Variants in TBCK observed in about 807,000 individuals in gnomAD.
TBCK encodes the protein TBC1 domain containing kinase, also known as TBC domain-containing protein kinase-like protein.
TBCK carries 99 observed loss-of-function variants against 113.4 expected under a neutral mutation model. That is an observed-to-expected ratio of 0.87 (90% CI 0.74 to 1.03). TBCK has a LOEUF of 1.03. TBCK is among the 50% of genes least tolerant of loss of function. TBCK has a pLI of 0.00. For synonymous variants in TBCK, 369 were observed against 370.8 expected (o/e 1.00, Z 0.05); for missense variants, 1,045 against 1,061.3 (o/e 0.98, Z 0.21).
chr4:106,187,413 T>A (rs1753148394), intron 22 of TBCK, among the ~76,000 whole-genome samples: 2 of 152,080 alleles, frequency 1.3e-5, no homozygotes, highest in South Asian at 4.2e-4. Flanking sequence ...TATGATTTTT[T>A]TTTTTCCTTT....
intron 19 of TBCK, among the ~76,000 whole-genome samples, chr4:106,224,268 TTAAAA>T (rs1758002302): frequency 6.6e-6 from 1 of 151,986 alleles, no homozygotes; most frequent in African/African-American, 2.4e-5. Flanking sequence ...AGAAAAAACT[TTAAAA>T]TACAAAATAT....
chr4:106,105,639 C>CA (rs985532340), intron 24 of TBCK, among the ~76,000 whole-genome samples: 5 of 152,296 alleles, frequency 3.3e-5, no homozygotes, highest in African/African-American at 1.2e-4. Flanking sequence ...AGCTTCAACA[C>CA]AAAAAATACC....
At chr4:106,110,853 G>C (rs1742765397) in intron 24 of TBCK, among the ~76,000 whole-genome samples, 1 of 152,108 alleles carries the variant, frequency 6.6e-6, no homozygotes, top group Admixed American at 6.5e-5. Context: ...GGTTTTGCCT[G>C]AGGCCCCTCA....
rs1462514092 is a variant in TBCK, at chr4:106,308,923, G to A, written c.38C>T (p.Thr13Ile). 6.2e-7 allele frequency: 1 copy of A among 1,614,088 alleles called. No individual in the cohort carries two copies. Among genetic ancestry groups the A allele is most frequent in the Non-Finnish European group, 8.5e-7 (1 of 1,180,002 alleles). ...PLKDAEMGAF[T>I]FFASALPHDV... ...ATGTGGCAGAGCCGAGGCAAAGAAGGTAAAGGCTCCCATTTCAGCGTCCTT... is the reference window on the plus strand; with the variant it reads ...ATGTGGCAGAGCCGAGGCAAAGAAGATAAAGGCTCCCATTTCAGCGTCCTT... The change falls in exon 2 of 26, where the codon ACC becomes ATC. Residue 13 changes from threonine to isoleucine, a missense_variant. Thr to Ile is a moderately conservative substitution (Grantham distance 89). Transcript: ENST00000394708.
chr4:106,114,225 G>A (rs542547472), intron 24 of TBCK, among the ~76,000 whole-genome samples: 1 of 152,268 alleles, frequency 6.6e-6, no homozygotes, highest in East Asian at 1.9e-4. Flanking sequence ...AAAAATTGTA[G>A]AAAGATGCAA....
rs546143516 is a variant in TBCK, at chr4:106,044,859, C to T, written c.*1711G>A. ...GTAAACAATAGCAGCAACAACAAAA[C>T]CATGGCCCAGAAAGCTGAATTGAGG... is the stretch of plus-strand genomic sequence containing the variant. On this transcript the variant is annotated 3_prime_UTR_variant, in exon 26 of 26. Coordinates refer to ENST00000394708, the MANE Select transcript of TBCK (RefSeq NM_001163435.3). 6.6e-6 allele frequency: 1 copy of T among 152,162 alleles called. No homozygotes were observed. Among genetic ancestry groups the T allele is most frequent in the Non-Finnish European group, 1.5e-5 (1 of 68,026 alleles). 9.4% of individuals were successfully genotyped at this position (152,162 alleles called of 1,614,324 possible).
chr4:106,123,284 A>G (rs1187175827), intron 23 of TBCK, among the ~76,000 whole-genome samples: 1 of 152,242 alleles, frequency 6.6e-6, no homozygotes, highest in African/African-American at 2.4e-5. Context: ...TGCTTCAAAG[A>G]GAATAAAACA....
chr4:106,102,878 A>C (rs899533788), intron 24 of TBCK, among the ~76,000 whole-genome samples: 1 of 152,188 alleles, frequency 6.6e-6, no homozygotes, highest in African/African-American at 2.4e-5. Flanking sequence ...GCAAGAGAGA[A>C]ATAAAACTAT....
At chr4:106,235,773 T>C (rs1288065497) in intron 14 of TBCK, among the ~76,000 whole-genome samples, 1 of 152,018 alleles carries the variant, frequency 6.6e-6, no homozygotes, top group African/African-American at 2.4e-5. Context: ...CTATTATGAG[T>C]ACTTCCGCAT....
At chr4:106,052,048 T>C (rs1340519432) in intron 25 of TBCK, among the ~76,000 whole-genome samples, 1 of 151,898 alleles carries the variant, frequency 6.6e-6, no homozygotes, top group Non-Finnish European at 1.5e-5. Flanking sequence ...CTGAGATAAA[T>C]ATTTTGTGTC....
intron 3 of TBCK, among the ~76,000 whole-genome samples, chr4:106,280,336 C>T (rs980901391): frequency 3.3e-5 from 5 of 151,988 alleles, no homozygotes; most frequent in Admixed American, 6.6e-5. Flanking sequence ...TTATTAGCCC[C>T]TTGTCAGACA....
At chr4:106,070,609 G>C (rs997493778) in intron 25 of TBCK, among the ~76,000 whole-genome samples, 13 of 151,850 alleles carry the variant, frequency 8.6e-5, no homozygotes, top group Admixed American at 8.5e-4. Flanking sequence ...TCTCTTTTTT[G>C]TGTGTGTGTC....
At position 106,064,356 on chromosome 4, in the gene TBCK, T is replaced by C. The variant is rs192766174; in HGVS notation, c.2572-17676A>G. Among the ~76,000 whole-genome samples the C allele has an allele frequency of 5.6e-3, 845 of 152,022 alleles. 10 individuals carry two copies. The highest frequency in any genetic ancestry group is 0.02 in the African/African-American group (816 of 41,512). ...ATAAACTGTCTCTTGTCTAGGTTTCTAGACAAGAATAAAATATTATTCAGA... is the reference window on the plus strand; with the variant it reads ...ATAAACTGTCTCTTGTCTAGGTTTCCAGACAAGAATAAAATATTATTCAGA... On this transcript the variant is annotated intron_variant, in intron 25 of 25. Transcript: ENST00000394708.
intron 23 of TBCK, among the ~76,000 whole-genome samples, chr4:106,145,931 T>TA (rs1204738927): frequency 6.6e-6 from 1 of 152,164 alleles, no homozygotes; most frequent in Non-Finnish European, 1.5e-5. Flanking sequence ...AGGGAACACT[T>TA]ACACACTGTT....
At position 106,173,081 on chromosome 4, in the gene TBCK, T is replaced by A. The variant is rs538684975; in HGVS notation, c.2060-1811A>T. The stretch of plus-strand genomic sequence containing the variant: ...GTTTACCAACTTCACAGCTCATTAC[T>A]TCCATGGCTACAAAAAGAGGTCAGA... On this transcript the variant is annotated intron_variant, in intron 22 of 25. Coordinates refer to ENST00000394708, the MANE Select transcript of TBCK (RefSeq NM_001163435.3). Among the ~76,000 whole-genome samples the A allele has an allele frequency of 2.0e-5, 3 of 152,290 alleles. No homozygotes were observed. The South Asian group carries it at 6.2e-4, about 32-fold the overall frequency.
chr4:106,106,852 T>C (rs1462410343), intron 24 of TBCK, among the ~76,000 whole-genome samples: 15 of 151,972 alleles, frequency 9.9e-5, no homozygotes, highest in African/African-American at 3.6e-4. Context: ...GCAAACAGGA[T>C]AAAAAAGTAA....
rs867475303 is a variant in TBCK, at chr4:106,215,470, A to C, written c.1775-2635T>G. 5.3e-5 allele frequency among the ~76,000 whole-genome samples: 8 copies of C among 152,258 alleles called. 1 individual carries two copies. In the South Asian group the frequency reaches 1.5e-3, roughly 28 times the overall value. On this transcript the variant is annotated intron_variant, in intron 19 of 25. Coordinates refer to ENST00000394708, the MANE Select transcript of TBCK (RefSeq NM_001163435.3). ...ATCAGTGTGCTGTATTCAGGATACC[A>C]ATCTCACGTGCAGAGACACACATAG...
Position 106,308,839 on chromosome 4 carries a change from C to A in TBCK, c.122G>T (p.Arg41Leu), listed in dbSNP as rs371985941. The change falls in exon 2 of 26, where the codon CGC becomes CTC. Residue 41 changes from arginine (R) to leucine (L), a missense_variant. Physicochemically the swap from Arg to Leu is moderately radical, Grantham distance 102. Coordinates refer to ENST00000394708, the MANE Select transcript of TBCK (RefSeq NM_001163435.3). ...LTPNSIKILGRFQILKTITHP... is the reference protein window; with the variant it reads ...LTPNSIKILGLFQILKTITHP... Reference sequence around the variant, plus strand: ...GGTGATGGTTTTAAGGATTTGAAAGCGCCCTAAAATTTTGATGGAATTTGG... The same window carrying A: ...GGTGATGGTTTTAAGGATTTGAAAGAGCCCTAAAATTTTGATGGAATTTGG... The A allele has an allele frequency of 6.2e-7, 1 of 1,614,120 alleles. No individual in the cohort carries two copies. Among genetic ancestry groups the A allele is most frequent in the Middle Eastern group, 1.7e-4 (1 of 6,060 alleles).
At position 106,095,340 on chromosome 4, in the gene TBCK, C is replaced by T. The variant is rs1445682565; in HGVS notation, c.2571+142G>A. 4.6e-6 allele frequency: 3 copies of T among 657,472 alleles called. No individual in the cohort carries two copies. In the East Asian group the frequency reaches 9.7e-5, roughly 21 times the overall value. The allele number at this position is 657,472 out of a possible 1,614,324, so 40.7% of individuals were successfully genotyped here. A position where few individuals can be genotyped will look rare whatever the true frequency, so the allele number is the denominator to read the frequency against. Reference sequence around the variant, plus strand: ...TTCAATTAAAGGCAGACAAACTCTTCCATATAAGAACACAGACAAATCTTC... The same window carrying T: ...TTCAATTAAAGGCAGACAAACTCTTTCATATAAGAACACAGACAAATCTTC... On this transcript the variant is annotated intron_variant, in intron 25 of 25. Coordinates refer to ENST00000394708, the MANE Select transcript of TBCK (RefSeq NM_001163435.3).
Sources: allele counts gnomAD v4.1 joint callset (sites outside exome capture counted in the v4.1 genomes callset), GRCh38; gene constraint gnomAD v4.1.1; transcripts MANE v1.5; gene names NCBI Gene and HGNC (gene_info 2026-07-23, HGNC 2026-07-21).